The following EPHA5 variants were observed in gnomAD, a reference collection of about 807,000 sequenced individuals.
EPHA5 encodes the protein EPH receptor A5.
A neutral mutation model predicts 105.0 loss-of-function variants in EPHA5; 60 were observed. The observed-to-expected ratio is 0.57, with a 90% confidence interval of 0.46 to 0.71. EPHA5 has a LOEUF of 0.71. Among genes scored for constraint, EPHA5 ranks in the 30% least tolerant of loss-of-function variants. The pLI, the probability that EPHA5 is intolerant of heterozygous loss-of-function variation, is 0.00. For missense variants in EPHA5, 1,218 were observed against 1,274.7 expected, an observed-to-expected ratio of 0.96 and a Z score of 0.68; for synonymous variants, 513 against 449.1, an observed-to-expected ratio of 1.14 and a Z score of -1.80.
At chr4:65,371,860 G>GT (rs1718508616) in intron 8 of EPHA5, among the ~76,000 whole-genome samples, 1 of 151,894 alleles carries the variant, frequency 6.6e-6, no homozygotes, top group South Asian at 2.1e-4. Context: ...GGAAGAAGTG[G>GT]TTTTGCACTT....
intron 5 of EPHA5, among the ~76,000 whole-genome samples, chr4:65,424,910 G>C (rs1339182022): frequency 6.6e-6 from 1 of 151,976 alleles, no homozygotes; most frequent in Non-Finnish European, 1.5e-5. Flanking sequence ...AAAACAAAGT[G>C]AACATGATGA....
chr4:65,331,198 T>C (rs867131922), intron 16 of EPHA5: 40 of 1,028,200 alleles, frequency 3.9e-5, no homozygotes, highest in Middle Eastern at 4.4e-4. Context: ...AAAACATTAA[T>C]GTTAATGTAA....
chr4:65,532,862 C>G (rs1735950288), intron 3 of EPHA5, among the ~76,000 whole-genome samples: 1 of 152,030 alleles, frequency 6.6e-6, no homozygotes, highest in African/African-American at 2.4e-5. Flanking sequence ...CATTTTATGG[C>G]CATCATTGCC....
chr4:65,451,526 A>C (rs1727065801), intron 5 of EPHA5, among the ~76,000 whole-genome samples: 1 of 152,166 alleles, frequency 6.6e-6, no homozygotes, highest in Non-Finnish European at 1.5e-5. Context: ...CATTCAAAGG[A>C]TAGAATTACA....
chr4:65,442,983 G>T (rs935361576), intron 5 of EPHA5, among the ~76,000 whole-genome samples: 1 of 152,064 alleles, frequency 6.6e-6, no homozygotes, highest in African/African-American at 2.4e-5. Context: ...AACTTCTGAA[G>T]TTAGAAACCC....
At chr4:65,324,390 A>G (rs1560410320) in intron 16 of EPHA5, among the ~76,000 whole-genome samples, 171 bp from the exon 17 acceptor site, 1 of 151,508 alleles carries the variant, frequency 6.6e-6, no homozygotes, top group Non-Finnish European at 1.5e-5. Flanking sequence ...TACCTCCAAA[A>G]TCTGTTAGTA....
chr4:65,365,265 T>C, intron 10 of EPHA5, 63 bp from the exon 11 acceptor site: 6 of 1,350,530 alleles, frequency 4.4e-6, no homozygotes, highest in Non-Finnish European at 6.2e-6. Context: ...TTAACACTTG[T>C]ATGCCCTCTT....
At chr4:65,444,197 G>A (rs1158081495) in intron 5 of EPHA5, among the ~76,000 whole-genome samples, 1 of 152,078 alleles carries the variant, frequency 6.6e-6, no homozygotes, top group South Asian at 2.1e-4. Flanking sequence ...CCACTTTCTA[G>A]CTGAGTAATT....
chr4:65,328,572 C>A (rs530538979), intron 16 of EPHA5, among the ~76,000 whole-genome samples: 10 of 151,142 alleles, frequency 6.6e-5, no homozygotes, highest in Admixed American at 6.0e-4. Context: ...AGGGAGAAGA[C>A]AGATTAATGA....
intron 3 of EPHA5, among the ~76,000 whole-genome samples, chr4:65,525,583 G>A (rs1389577236): frequency 1.1e-4 from 16 of 151,800 alleles, no homozygotes; most frequent in Admixed American, 1.1e-3. Context: ...CTATTTACTA[G>A]ACTCAAAAGA....
At chr4:65,372,773 T>C (rs73822126) in intron 8 of EPHA5, among the ~76,000 whole-genome samples, 7,596 of 151,852 alleles carry the variant, frequency 0.05, 341 homozygotes, top group African/African-American at 0.11. Flanking sequence ...CTTGATGTTT[T>C]ATATATCACT....
At chr4:65,549,025 T>C (rs1004291852) in intron 3 of EPHA5, among the ~76,000 whole-genome samples, 1 of 152,168 alleles carries the variant, frequency 6.6e-6, no homozygotes, top group African/African-American at 2.4e-5. Context: ...CTAACTGTAT[T>C]AGATTTCAAG....
chr4:65,330,970 C>A (rs1056482788), intron 16 of EPHA5: 3 of 1,044,502 alleles, frequency 2.9e-6, no homozygotes, highest in Non-Finnish European at 1.2e-6. Context: ...ACCCTGTTAC[C>A]TTCTGTGGGG....
At chr4:65,330,777 G>C in intron 16 of EPHA5, 3 of 1,025,396 alleles carry the variant, frequency 2.9e-6, no homozygotes, top group Non-Finnish European at 3.5e-6. Flanking sequence ...GGTTCCTTGA[G>C]TGTCCAAAGA....
At chr4:65,619,570 T>A (rs1745534462) in intron 2 of EPHA5, among the ~76,000 whole-genome samples, 1 of 152,156 alleles carries the variant, frequency 6.6e-6, no homozygotes. Flanking sequence ...TTTAAAAAAG[T>A]ATCACTAAAT....
intron 3 of EPHA5, among the ~76,000 whole-genome samples, chr4:65,554,429 C>A (rs555188195): frequency 6.6e-6 from 1 of 150,928 alleles, no homozygotes; most frequent in South Asian, 2.1e-4. Flanking sequence ...CAAGAATGTA[C>A]AAAATTAATT....
At chr4:65,413,490 T>G (rs1723103809) in intron 7 of EPHA5, among the ~76,000 whole-genome samples, 1 of 152,066 alleles carries the variant, frequency 6.6e-6, no homozygotes, top group Non-Finnish European at 1.5e-5. Flanking sequence ...GAATTATCAT[T>G]TCATTGATTT....
Position 65,494,850 on chromosome 4 carries a change from C to T in EPHA5, c.1066+538G>A, listed in dbSNP as rs182573844. On this transcript the variant is annotated intron_variant, in intron 4 of 16. Transcript: ENST00000613740. ...ATGTTCCTGAAATATTTCCTGTGTTCTTTTATAAATGACTTCTTAGTGGCT... is the reference window on the plus strand; with the variant it reads ...ATGTTCCTGAAATATTTCCTGTGTTTTTTTATAAATGACTTCTTAGTGGCT... 7.1e-3 allele frequency among the ~76,000 whole-genome samples: 1,081 copies of T among 152,100 alleles called. 15 individuals are homozygous for T. Among genetic ancestry groups the T allele is most frequent in the African/African-American group, 0.025 (1,043 of 41,502 alleles).
At chr4:65,550,620 G>T (rs1315083228) in intron 3 of EPHA5, among the ~76,000 whole-genome samples, 3 of 152,086 alleles carry the variant, frequency 2.0e-5, no homozygotes, top group Non-Finnish European at 4.4e-5. Flanking sequence ...TGGATCATGA[G>T]GTCAGGAGAT....
Sources: allele counts gnomAD v4.1 joint callset (sites outside exome capture counted in the v4.1 genomes callset), GRCh38; gene constraint gnomAD v4.1.1; transcripts MANE v1.5; gene names NCBI Gene and HGNC (gene_info 2026-07-23, HGNC 2026-07-21).